The following HSF1 variants were observed in gnomAD, a reference collection of about 807,000 sequenced individuals.
The protein encoded by HSF1 is heat shock factor protein 1.
Under a neutral mutation model 51.7 loss-of-function variants are expected in HSF1, and 32 were observed. The observed-to-expected ratio is 0.62, with a 90% CI of 0.47 to 0.83. The LOEUF (loss-of-function observed/expected upper bound fraction) is 0.83, where lower values mean the gene tolerates loss of function less well. HSF1 is among the 40% of genes least tolerant of loss of function. The pLI is 0.00. For synonymous variants in HSF1, 396 were observed against 309.7 expected (o/e 1.28, Z -2.92); for missense variants, 727 against 717.0 (o/e 1.01, Z -0.16).
In HSF1 at chr8:144,291,997, C is replaced by T; in HGVS notation, c.117+123C>T. On this transcript the variant is annotated intron_variant, in intron 1 of 12. Transcript: ENST00000528838. This position sits in a 1 kb window ranked among gnomAD's most constrained non-coding sequence, Gnocchi z 4.1. ...CTTCAGCTTACGCGCGGTGAGCCTG[C>T]CCTGCCCCCGCCAGAGAAGGGCGGC... 2 of 480,018 alleles carry T rather than the reference C, an allele frequency of 4.2e-6. No individual in the cohort carries two copies. The highest frequency in any genetic ancestry group is 7.0e-6 in the Non-Finnish European group (2 of 284,308). 29.7% of individuals were successfully genotyped at this position (480,018 alleles called of 1,614,324 possible). A position where few individuals can be genotyped will look rare whatever the true frequency, so the allele number is the denominator to read the frequency against.
chr8:144,296,738 C>T (rs1156803183), intron 1 of HSF1, among the ~76,000 whole-genome samples: 4 of 150,276 alleles, frequency 2.7e-5, no homozygotes, highest in South Asian at 2.1e-4. Context: ...ACCCAGGAGG[C>T]GGGGCTTGCA....
rs922914929 is a variant in HSF1 at position 144,309,787 on chromosome 8, A to G, written c.379A>G (p.Ser127Gly). Residue 127 changes from serine (S) to glycine (G), a missense_variant, in exon 4 of 13, where the codon AGT (serine) becomes GGT (glycine). Around this residue, in one of 2 missense-constraint regions of HSF1, gnomAD observed 257 missense variants for 318.3 expected, o/e 0.81. Coordinates refer to ENST00000528838, the MANE Select transcript of HSF1 (RefSeq NM_005526.4). ...RKVTSVSTLKSEDIKIRQDSV... is the reference protein window; with the variant it reads ...RKVTSVSTLKGEDIKIRQDSV... ...GGGAATCCAGGTGTCCACCCTGAAG[A>G]GTGAAGACATAAAGATCCGCCAGGA... 6 of 1,613,682 alleles carry G rather than the reference A, an allele frequency of 3.7e-6. No homozygotes were observed. The highest frequency in any genetic ancestry group is 5.1e-6 in the Non-Finnish European group (6 of 1,179,964).
In HSF1 at chr8:144,313,576, G is replaced by A. The variant is rs782581924; in HGVS notation, c.1208G>A (p.Ser403Asn). The A allele has an allele frequency of 1.9e-6, 3 of 1,611,270 alleles. No homozygotes were observed. Among genetic ancestry groups the A allele is most frequent in the South Asian group, 1.1e-5 (1 of 91,060 alleles). Residue 403 changes from serine (S) to asparagine (N), a missense_variant, in exon 10 of 13, where the codon AGC (serine) becomes AAC (asparagine). Physicochemically the swap from Ser to Asn is conservative, Grantham distance 46. Transcript: ENST00000528838. Reference sequence around the variant, plus strand: ...CTGGATAACCTGCAGACCATGCTGAGCAGCCACGGCTTCAGCGTGGACACC... The same window carrying A: ...CTGGATAACCTGCAGACCATGCTGAACAGCCACGGCTTCAGCGTGGACACC... ...SNLDNLQTML[S>N]SHGFSVDTSA...
chr8:144,309,132 C>T lies in HSF1; in HGVS notation c.226+118C>T, dbSNP rs1435395389. 1.4e-4 allele frequency: 118 copies of T among 833,298 alleles called. 1 individual carries two copies. The South Asian group carries it at 1.8e-3, about 12-fold the overall frequency. The allele number at this position is 833,298 out of a possible 1,614,324, so 51.6% of individuals were successfully genotyped here. On this transcript the variant is annotated intron_variant, in intron 2 of 12. Transcript: ENST00000528838. ...CGTCCTGTGCTGGCCAAGGGCATGG[C>T]GTGGGACCCTGCAAGCCTGGGGGCC...
Position 144,311,295 on chromosome 8 carries a change from G to T in HSF1, c.565-26G>T, listed in dbSNP as rs200019289. ...CCGGCGGGGGCCCCACAAGGGCCGG[G>T]GTAACTGTGTCCTCTCTCTCCACAG... On this transcript the variant is annotated intron_variant, in intron 5 of 12. Coordinates refer to ENST00000528838, the MANE Select transcript of HSF1 (RefSeq NM_005526.4). 3.5e-5 allele frequency: 57 copies of T among 1,613,622 alleles called. No homozygotes were observed. In the East Asian group the frequency reaches 1.2e-3, roughly 35 times the overall value.
At position 144,313,922 on chromosome 8, in the gene HSF1, G is replaced by A. The variant is rs1554845885; in HGVS notation, c.1314+11G>A. On this transcript the variant is annotated intron_variant, in intron 11 of 12. Transcript: ENST00000528838. ...AGCAGCCTGGCCAGTGTGCGTAGGCGGGCGGGGGGTGAGGGGGAACGAGAC... is the reference window on the plus strand; with the variant it reads ...AGCAGCCTGGCCAGTGTGCGTAGGCAGGCGGGGGGTGAGGGGGAACGAGAC... 3 of 1,609,712 alleles carry A rather than the reference G, an allele frequency of 1.9e-6. No individual in the cohort carries two copies. Among genetic ancestry groups the A allele is most frequent in the Admixed American group, 1.7e-5 (1 of 59,650 alleles).
chr8:144,292,859 G>A (rs542076974), intron 1 of HSF1, among the ~76,000 whole-genome samples: 2 of 152,320 alleles, frequency 1.3e-5, no homozygotes, highest in South Asian at 4.1e-4. Context: ...CTACTTGGGA[G>A]GCTGAGATAG....
At position 144,291,717 on chromosome 8, in the gene HSF1, CT is replaced by C; in HGVS notation, c.-38del. 8.0e-7 allele frequency: 1 copy of C among 1,253,582 alleles called. No individual in the cohort carries two copies. The highest frequency in any genetic ancestry group is 1.1e-6 in the Non-Finnish European group (1 of 914,466). The allele number at this position is 1,253,582 out of a possible 1,614,324, so 77.7% of individuals were successfully genotyped here. ...GGCGTTAGCCCGGCCCTCGGCCCCT[CT>C]TTGCGGCCGCTCCCTCCGCCTATTC... On this transcript the variant is annotated 5_prime_UTR_variant, in exon 1 of 13. Coordinates refer to ENST00000528838, the MANE Select transcript of HSF1 (RefSeq NM_005526.4). The surrounding 1 kb of genome is among the most constrained non-coding windows in gnomAD (Gnocchi z 4.1).
At chr8:144,306,372 T>C (rs1193384904) in intron 1 of HSF1, among the ~76,000 whole-genome samples, 1 of 151,644 alleles carries the variant, frequency 6.6e-6, no homozygotes, top group Non-Finnish European at 1.5e-5. Flanking sequence ...TTTTTGTTTG[T>C]TTGTTTGTTT....
In HSF1 at chr8:144,314,017, C is replaced by A; in HGVS notation, c.1347C>A (p.Pro449=). The A allele has an allele frequency of 1.2e-6, 2 of 1,611,186 alleles. No homozygotes were observed. Among genetic ancestry groups the A allele is most frequent in the Non-Finnish European group, 1.7e-6 (2 of 1,179,526 alleles). ...IQELLSPQEP[P]RPPEAENSSP... ...AGCTCCTGTCTCCCCAGGAGCCCCC[C>A]AGGCCTCCCGAGGCAGAGAACAGCA... Residue 449 remains proline, a synonymous_variant, in exon 12 of 13, where the codon CCC becomes CCA. Coordinates refer to ENST00000528838, the MANE Select transcript of HSF1 (RefSeq NM_005526.4).
intron 4 of HSF1, 109 bp from the exon 5 acceptor site, chr8:144,311,065 G>C: frequency 9.5e-7 from 1 of 1,055,032 alleles, no homozygotes; most frequent in Non-Finnish European, 1.4e-6. Context: ...GCCAGACATG[G>C]TCACACTTAC....
chr8:144,314,695 G>A lies in HSF1; in HGVS notation c.*365G>A, dbSNP rs1050679982. On this transcript the variant is annotated 3_prime_UTR_variant, in exon 13 of 13. Coordinates refer to ENST00000528838, the MANE Select transcript of HSF1 (RefSeq NM_005526.4). ...TGGATGGACGGACAAGACAGGCAGAGATCTATAAACAGACAGGCTCTATGC... is the reference window on the plus strand; with the variant it reads ...TGGATGGACGGACAAGACAGGCAGAAATCTATAAACAGACAGGCTCTATGC... 16 of 275,160 alleles carry A rather than the reference G, an allele frequency of 5.8e-5. No homozygotes were observed. The highest frequency in any genetic ancestry group is 3.4e-4 in the African/African-American group (16 of 46,882). The allele number at this position is 275,160 out of a possible 1,614,324, so 17.0% of individuals were successfully genotyped here.
chr8:144,291,662 CGGCGCGGCCCGGAAGGCT>C lies in HSF1; in HGVS notation c.-87_-70del. On this transcript the variant is annotated 5_prime_UTR_variant, in exon 1 of 13. Coordinates refer to ENST00000528838, the MANE Select transcript of HSF1 (RefSeq NM_005526.4). This position sits in a 1 kb window ranked among gnomAD's most constrained non-coding sequence, Gnocchi z 4.1. ...GGGGCTGTGTGTGCGCAGCGGGCGGCGGCGCGGCCCGGAAGGCTGGCGCGGCGACGGCGTTAGCCCGGC... is the reference window on the plus strand; with the variant it reads ...GGGGCTGTGTGTGCGCAGCGGGCGGCGGCGCGGCGACGGCGTTAGCCCGGC... 1.5e-6 allele frequency: 1 copy of C among 663,944 alleles called. No individual in the cohort carries two copies. Among genetic ancestry groups the C allele is most frequent in the Non-Finnish European group, 2.3e-6 (1 of 436,574 alleles). 41.1% of individuals were successfully genotyped at this position (663,944 alleles called of 1,614,324 possible).
chr8:144,294,972 T>C (rs1170746239), intron 1 of HSF1, among the ~76,000 whole-genome samples: 1 of 152,086 alleles, frequency 6.6e-6, no homozygotes, highest in Non-Finnish European at 1.5e-5. Flanking sequence ...CTCCCAAAGG[T>C]ACACCTGGAT....
Position 144,314,233 on chromosome 8 carries a change from C to G in HSF1, c.1493C>G (p.Ser498Cys), listed in dbSNP as rs2130491097. Residue 498 changes from serine to cysteine, a missense_variant, in exon 13 of 13, where the codon TCC (serine) becomes TGC (cysteine). This residue lies in a region of HSF1 where 470 missense variants were observed against 398.8 expected (regional missense o/e 1.18). Coordinates refer to ENST00000528838, the MANE Select transcript of HSF1 (RefSeq NM_005526.4). ...GTGCTGTTTGAGCTGGGAGAGGGCT[C>G]CTACTTCTCCGAAGGGGACGGCTTC... ...LPVLFELGEG[S>C]YFSEGDGFAE... 11 of 1,550,348 alleles carry G rather than the reference C, an allele frequency of 7.1e-6. No homozygotes were observed. Among genetic ancestry groups the G allele is most frequent in the Non-Finnish European group, 9.6e-6 (11 of 1,146,968 alleles).
intron 1 of HSF1, among the ~76,000 whole-genome samples, chr8:144,298,301 C>T (rs185434152): frequency 3.2e-3 from 494 of 152,200 alleles, no homozygotes; most frequent in African/African-American, 0.012. Flanking sequence ...AATGTTCAGA[C>T]GTTACAAAAC....
chr8:144,314,401 C>A lies in HSF1; in HGVS notation c.*71C>A. The A allele has an allele frequency of 7.2e-7, 1 of 1,388,534 alleles. No homozygotes were observed. The allele number at this position is 1,388,534 out of a possible 1,614,324, so 86.0% of individuals were successfully genotyped here. ...CAGGGCTGGTCTTGGGGAGGCAGGG[C>A]AGCCTCGCGGTCTTGGGCACTGGTG... is the stretch of plus-strand genomic sequence containing the variant. On this transcript the variant is annotated 3_prime_UTR_variant, in exon 13 of 13. Coordinates refer to ENST00000528838, the MANE Select transcript of HSF1 (RefSeq NM_005526.4).
intron 4 of HSF1, 159 bp from the exon 5 acceptor site, chr8:144,311,015 A>G (rs1816604404): frequency 3.0e-6 from 2 of 668,670 alleles, no homozygotes; most frequent in African/African-American, 1.8e-5. Context: ...CCTGGCCCCC[A>G]GTCCCTCCAC....
intron 2 of HSF1, 149 bp from the exon 3 acceptor site, chr8:144,309,306 C>T: frequency 1.8e-6 from 2 of 1,105,526 alleles, no homozygotes; most frequent in Non-Finnish European, 2.6e-6. Flanking sequence ...AGACCAAGGC[C>T]ACTCGGCCAC....
Sources: allele counts gnomAD v4.1 joint callset (sites outside exome capture counted in the v4.1 genomes callset), GRCh38; gene constraint gnomAD v4.1.1; regional missense constraint gnomAD v4.1.1; non-coding constraint Gnocchi (gnomAD v3.1); transcripts MANE v1.5; gene names NCBI Gene and HGNC (gene_info 2026-07-23, HGNC 2026-07-21).